The following ANKH variants were observed in gnomAD, a reference collection of about 807,000 sequenced individuals.
ANKH encodes mineralization regulator ANKH.
A neutral mutation model predicts 49.0 loss-of-function variants in ANKH; 15 were observed. The observed-to-expected ratio is 0.31, with a 90% CI of 0.20 to 0.47. The LOEUF is 0.47. Ranked by LOEUF, ANKH falls within the 20% of genes least tolerant of loss-of-function variation. The pLI, the probability that ANKH is intolerant of heterozygous loss-of-function variation, is 1.00. For synonymous variants in ANKH, 273 were observed against 260.0 expected (o/e 1.05, Z -0.48); for missense variants, 429 against 652.0 (o/e 0.66, Z 3.72).
chr5:14,728,696 C>T (rs925437327), intron 8 of ANKH, among the ~76,000 whole-genome samples: 15 of 152,306 alleles, frequency 9.8e-5, no homozygotes, highest in Admixed American at 9.8e-4. Flanking sequence ...GAAGGTGAGA[C>T]AGGGTCATTC....
At chr5:14,761,871 T>G (rs981306681) in intron 2 of ANKH, among the ~76,000 whole-genome samples, 4 of 151,926 alleles carry the variant, frequency 2.6e-5, no homozygotes, top group Admixed American at 6.6e-5. Context: ...GTTCAAGCAA[T>G]TCTCCTGTCT....
At chr5:14,746,053 G>T in intron 6 of ANKH, 91 bp from the exon 7 acceptor site, 1 of 1,007,502 alleles carries the variant, frequency 9.9e-7, no homozygotes. Context: ...CGACTCAGGT[G>T]CAGCCACTGA....
Position 14,708,815 on chromosome 5 carries a change from G to A in ANKH, c.*2382C>T, listed in dbSNP as rs1579992202. The A allele has an allele frequency of 6.6e-6, 1 of 152,284 alleles. No homozygotes were observed. Among genetic ancestry groups the A allele is most frequent in the Non-Finnish European group, 1.5e-5 (1 of 68,046 alleles). 9.4% of individuals were successfully genotyped at this position (152,284 alleles called of 1,614,324 possible). A position where few individuals can be genotyped will look rare whatever the true frequency, so the allele number is the denominator to read the frequency against. On this transcript the variant is annotated 3_prime_UTR_variant, in exon 12 of 12. Transcript: ENST00000284268. ...TTATGGCCCACTGATCTTGATCACT[G>A]AAGGAATCTCTGGAGTTGTATTTCC...
At chr5:14,789,697 CT>C (rs1194972755) in intron 1 of ANKH, among the ~76,000 whole-genome samples, 1 of 152,118 alleles carries the variant, frequency 6.6e-6, no homozygotes, top group Non-Finnish European at 1.5e-5. Context: ...TAATTTTGGA[CT>C]TTGAGCAGTA....
rs1291708129 is a variant in ANKH at position 14,871,712 on chromosome 5, G to GAAAA, written c.-266_-265insTTTT. 1 of 160,818 alleles carries GAAAA rather than the reference G, an allele frequency of 6.2e-6. No individual in the cohort carries two copies. Among genetic ancestry groups the GAAAA allele is most frequent in the Non-Finnish European group, 1.3e-5 (1 of 76,332 alleles). 10.0% of individuals were successfully genotyped at this position (160,818 alleles called of 1,614,324 possible). ...AAAGATCTGCCGGGAAAAAAAAGAG[G>GAAAA]AGGGACGGCGGCGGCGGCGGCGGCG... On this transcript the variant is annotated 5_prime_UTR_variant, in exon 1 of 12. The change abolishes the stop of an existing upstream ORF in the 5' untranslated region. Coordinates refer to ENST00000284268, the MANE Select transcript of ANKH (RefSeq NM_054027.6).
chr5:14,863,923 A>C (rs775291332), intron 1 of ANKH, among the ~76,000 whole-genome samples: 1 of 152,120 alleles, frequency 6.6e-6, no homozygotes, highest in Non-Finnish European at 1.5e-5. Flanking sequence ...CCCTTTAAAA[A>C]CTGTTTTTAG....
chr5:14,736,006 CT>C (rs540010631), intron 8 of ANKH, among the ~76,000 whole-genome samples: 1,500 of 83,524 alleles, frequency 0.018, 23 homozygotes, highest in African/African-American at 0.068. Flanking sequence ...AAAAACCTAA[CT>C]TTTTTTTTTT....
At chr5:14,769,310 G>A in intron 1 of ANKH, 119 bp from the exon 2 acceptor site, 1 of 821,562 alleles carries the variant, frequency 1.2e-6, no homozygotes, top group South Asian at 1.5e-5. Context: ...GTAGCTTATA[G>A]GGTGCATCTC....
Position 14,712,857 on chromosome 5 carries a change from C to A in ANKH, c.1365+17G>T, listed in dbSNP as rs756558886. ...GAGGATGCACCCGGGAGGAGGCTCC[C>A]GGCGCGGCTGTCTCACCTGCTTCCG... On this transcript the variant is annotated intron_variant, in intron 11 of 11. Transcript: ENST00000284268. 2 of 1,586,988 alleles carry A rather than the reference C, an allele frequency of 1.3e-6. No homozygotes were observed. The highest frequency in any genetic ancestry group is 2.3e-5 in the East Asian group (1 of 43,726).
intron 1 of ANKH, among the ~76,000 whole-genome samples, chr5:14,826,595 G>A (rs1741349026): frequency 1.3e-5 from 2 of 152,106 alleles, no homozygotes; most frequent in Non-Finnish European, 2.9e-5. Context: ...AGTATGTCAA[G>A]TTCTTGGTAT....
chr5:14,786,408 T>TAGTG (rs1305144659), intron 1 of ANKH, among the ~76,000 whole-genome samples: 18 of 152,240 alleles, frequency 1.2e-4, no homozygotes, highest in Non-Finnish European at 2.6e-4. Flanking sequence ...TCTAGTGATC[T>TAGTG]AGTGATTTGC....
chr5:14,728,160 T>G (rs954207000), intron 8 of ANKH, among the ~76,000 whole-genome samples: 3 of 152,252 alleles, frequency 2.0e-5, no homozygotes, highest in African/African-American at 7.2e-5. Context: ...TCACTCACTA[T>G]GCGCCAACAG....
intron 11 of ANKH, among the ~76,000 whole-genome samples, chr5:14,711,879 G>T (rs1348155168): frequency 2.0e-5 from 3 of 150,914 alleles, no homozygotes; most frequent in Non-Finnish European, 4.4e-5. Context: ...GCCACTGCTG[G>T]GTCACTGCAG....
chr5:14,792,245 G>GATAT lies in ANKH; in HGVS notation c.97-23058_97-23055dup, dbSNP rs1249437091. Among the ~76,000 whole-genome samples, 4 of 152,190 alleles carry GATAT rather than the reference G, an allele frequency of 2.6e-5. No homozygotes were observed. In the South Asian group the frequency reaches 8.3e-4, roughly 32 times the overall value. ...ATACTGGGCAGGGGAATTGAGATTG[G>GATAT]ATATGACTGTGATAGGAAAGGCTGC... On this transcript the variant is annotated intron_variant, in intron 1 of 11. Coordinates refer to ENST00000284268, the MANE Select transcript of ANKH (RefSeq NM_054027.6).
At position 14,835,895 on chromosome 5, in the gene ANKH, A is replaced by G. The variant is rs188023838; in HGVS notation, c.96+35457T>C. On this transcript the variant is annotated intron_variant, in intron 1 of 11. Coordinates refer to ENST00000284268, the MANE Select transcript of ANKH (RefSeq NM_054027.6). Reference sequence around the variant, plus strand: ...AAAATACTGGCAAATCGAATCCAGCAGCACATCAAAAAGCTTATTCACCAC... The same window carrying G: ...AAAATACTGGCAAATCGAATCCAGCGGCACATCAAAAAGCTTATTCACCAC... Among the ~76,000 whole-genome samples, 322 of 152,372 alleles carry G rather than the reference A, an allele frequency of 2.1e-3. 2 individuals are homozygous for G. The highest frequency in any genetic ancestry group is 3.7e-3 in the Non-Finnish European group (253 of 68,044).
At chr5:14,828,159 T>C (rs1741397302) in intron 1 of ANKH, among the ~76,000 whole-genome samples, 1 of 152,142 alleles carries the variant, frequency 6.6e-6, no homozygotes, top group African/African-American at 2.4e-5. Context: ...GTGTGACAGG[T>C]CAGCTTGGAT....
chr5:14,797,656 C>A (rs1740431388), intron 1 of ANKH: 1 of 1,596,658 alleles, frequency 6.3e-7, no homozygotes, highest in African/African-American at 1.3e-5. Context: ...AGTTTCTGAT[C>A]ATCAGCAACT....
At chr5:14,845,715 TG>T (rs1389548530) in intron 1 of ANKH, among the ~76,000 whole-genome samples, 1 of 152,182 alleles carries the variant, frequency 6.6e-6, no homozygotes, top group East Asian at 1.9e-4. Flanking sequence ...GTGCCTTTAA[TG>T]TCCTACAACC....
intron 9 of ANKH, among the ~76,000 whole-genome samples, chr5:14,716,076 A>T (rs1326164058): frequency 6.6e-6 from 1 of 152,242 alleles, no homozygotes; most frequent in Non-Finnish European, 1.5e-5. Context: ...TGAGAATTTC[A>T]GTACATGAAC....
Sources: gnomAD v4.1 joint callset for allele counts (sites outside exome capture counted in the v4.1 genomes callset) on GRCh38, gnomAD v4.1.1 for gene constraint, MANE v1.5 for transcripts, NCBI Gene and HGNC (gene_info 2026-07-23, HGNC 2026-07-21) for gene names.